The following IMMP2L variants were observed in gnomAD, a reference collection of about 807,000 sequenced individuals.
The protein encoded by IMMP2L is inner mitochondrial membrane peptidase subunit 2.
A neutral mutation model predicts 19.3 loss-of-function variants in IMMP2L; 18 were observed. The observed-to-expected ratio is 0.93, with a 90% confidence interval of 0.64 to 1.38. The LOEUF (loss-of-function observed/expected upper bound fraction) is 1.38. Ranked by LOEUF, IMMP2L falls within the 40% of genes most tolerant of loss-of-function variation. IMMP2L has a pLI of 0.00. For missense variants in IMMP2L, 233 were observed against 218.2 expected (o/e 1.07, Z -0.43); for synonymous variants, 76 against 73.0 (o/e 1.04, Z -0.21).
intron 3 of IMMP2L, among the ~76,000 whole-genome samples, chr7:111,152,158 G>T (rs1804150207): frequency 6.6e-6 from 1 of 151,968 alleles, no homozygotes; most frequent in Non-Finnish European, 1.5e-5. Flanking sequence ...TGCATACATG[G>T]TATTTTACTA....
At position 111,389,616 on chromosome 7, in the gene IMMP2L, A is replaced by T. The variant is rs144244839; in HGVS notation, c.239+97622T>A. On this transcript the variant is annotated intron_variant, in intron 3 of 5. Transcript: ENST00000405709. ...GATTGAGAGAGAGAGAGAGAATATG[A>T]TAAAGCAACTATAATAAAATTTTAA... is the stretch of plus-strand genomic sequence containing the variant. 2.0e-5 allele frequency among the ~76,000 whole-genome samples: 3 copies of T among 152,176 alleles called. No homozygotes were observed. The East Asian group carries it at 5.8e-4, about 29-fold the overall frequency.
At chr7:111,054,047 TA>T (rs58399587) in intron 3 of IMMP2L, among the ~76,000 whole-genome samples, 144,037 of 152,090 alleles carry the variant, frequency 0.95, 68,331 homozygotes, top group East Asian at 0.99. Context: ...GACAGGAAAA[TA>T]AAAAAAATGG....
At chr7:111,189,016 T>A (rs532391355) in intron 3 of IMMP2L, among the ~76,000 whole-genome samples, 1 of 152,084 alleles carries the variant, frequency 6.6e-6, no homozygotes, top group Non-Finnish European at 1.5e-5. Flanking sequence ...GCCAGCTCCA[T>A]TACTGCACCT....
At chr7:111,503,736 T>A (rs1387732238) in intron 2 of IMMP2L, among the ~76,000 whole-genome samples, 1 of 152,072 alleles carries the variant, frequency 6.6e-6, no homozygotes, top group Non-Finnish European at 1.5e-5. Flanking sequence ...ATTATCTCAA[T>A]AGATGCAGAA....
intron 3 of IMMP2L, among the ~76,000 whole-genome samples, chr7:111,048,919 C>T (rs1437733400): frequency 6.6e-6 from 1 of 151,954 alleles, no homozygotes; most frequent in Non-Finnish European, 1.5e-5. Context: ...CCAAATGCTA[C>T]GTACATTAGT....
At chr7:111,265,943 G>A (rs1328487760) in intron 3 of IMMP2L, among the ~76,000 whole-genome samples, 1 of 152,192 alleles carries the variant, frequency 6.6e-6, no homozygotes, top group East Asian at 1.9e-4. Flanking sequence ...CCAAGTCAGT[G>A]AGGCCTTCCC....
At chr7:110,994,029 C>T (rs796210657) in intron 3 of IMMP2L, among the ~76,000 whole-genome samples, 27 of 152,008 alleles carry the variant, frequency 1.8e-4, no homozygotes, top group African/African-American at 6.5e-4. Flanking sequence ...AAAAAAGGCT[C>T]TATTTGTCCC....
At chr7:110,705,632 G>C (rs1794614372) in intron 5 of IMMP2L, among the ~76,000 whole-genome samples, 1 of 151,920 alleles carries the variant, frequency 6.6e-6, no homozygotes, top group South Asian at 2.1e-4. Flanking sequence ...TTCTTACATG[G>C]GTGTATTGCA....
intron 5 of IMMP2L, among the ~76,000 whole-genome samples, chr7:110,882,288 C>CCTTCCTTCCTTACTTA (rs1363482782): frequency 3.0e-5 from 1 of 33,472 alleles, no homozygotes; most frequent in African/African-American, 1.1e-4. Flanking sequence ...TTGTCAAGTG[C>CCTTCCTTCCTTACTTA]CTTCCTTCCT....
intron 4 of IMMP2L, among the ~76,000 whole-genome samples, chr7:110,944,745 A>G (rs1208937729): frequency 6.6e-6 from 1 of 151,868 alleles, no homozygotes; most frequent in East Asian, 1.9e-4. Context: ...AACTAATTCC[A>G]GAGACAGTTT....
At chr7:111,118,015 A>AT (rs1347444882) in intron 3 of IMMP2L, among the ~76,000 whole-genome samples, 1 of 152,018 alleles carries the variant, frequency 6.6e-6, no homozygotes, top group Non-Finnish European at 1.5e-5. Context: ...ACCCCAGCTG[A>AT]TTTTTCATAA....
intron 3 of IMMP2L, among the ~76,000 whole-genome samples, chr7:111,251,305 T>A (rs1284344029): frequency 6.6e-6 from 1 of 152,162 alleles, no homozygotes; most frequent in African/African-American, 2.4e-5. Context: ...GGGGTGTAAA[T>A]TATTTCAACC....
chr7:110,743,256 T>C (rs968895879), intron 5 of IMMP2L, among the ~76,000 whole-genome samples: 1 of 152,172 alleles, frequency 6.6e-6, no homozygotes, highest in African/African-American at 2.4e-5. Context: ...AGATAGTCAA[T>C]TTGACTTCAT....
chr7:111,140,787 C>T (rs1802799704), intron 3 of IMMP2L, among the ~76,000 whole-genome samples: 2 of 152,176 alleles, frequency 1.3e-5, no homozygotes, highest in African/African-American at 4.8e-5. Flanking sequence ...GTTATTAAGA[C>T]TGTTCGGCCA....
At chr7:111,054,076 C>A (rs959269931) in intron 3 of IMMP2L, among the ~76,000 whole-genome samples, 4 of 151,858 alleles carry the variant, frequency 2.6e-5, no homozygotes, top group Non-Finnish European at 4.4e-5. Context: ...GGGAAAGAAG[C>A]AAATCAGTGC....
At chr7:111,169,996 G>A (rs1308835850) in intron 3 of IMMP2L, among the ~76,000 whole-genome samples, 3 of 151,796 alleles carry the variant, frequency 2.0e-5, no homozygotes, top group Non-Finnish European at 4.4e-5. Flanking sequence ...CAAAAGATAT[G>A]TAGATATAAA....
chr7:111,040,913 A>G (rs1300075966), intron 3 of IMMP2L, among the ~76,000 whole-genome samples: 1 of 151,938 alleles, frequency 6.6e-6, no homozygotes, highest in Non-Finnish European at 1.5e-5. Flanking sequence ...TTATAAATTT[A>G]TAAACATTTA....
chr7:110,807,604 TA>T (rs1309607765), intron 5 of IMMP2L, among the ~76,000 whole-genome samples: 1 of 151,956 alleles, frequency 6.6e-6, no homozygotes, highest in Non-Finnish European at 1.5e-5. Context: ...CATTAATTTT[TA>T]AAAAAAATTT....
At chr7:111,180,221 T>C (rs1003445187) in intron 3 of IMMP2L, among the ~76,000 whole-genome samples, 7 of 152,098 alleles carry the variant, frequency 4.6e-5, no homozygotes, top group Admixed American at 4.6e-4. Context: ...TTTTACATGC[T>C]TTCCTCACTA....
Sources: allele counts gnomAD v4.1 joint callset (sites outside exome capture counted in the v4.1 genomes callset), GRCh38; gene constraint gnomAD v4.1.1; transcripts MANE v1.5; gene names NCBI Gene and HGNC (gene_info 2026-07-23, HGNC 2026-07-21).